The following MLPH variants were observed in gnomAD, a reference collection of about 807,000 sequenced individuals.
The protein encoded by MLPH is melanophilin, also known as exophilin-3.
MLPH carries 51 observed loss-of-function variants against 72.1 expected under a neutral mutation model. That is an observed-to-expected ratio of 0.71 (90% CI 0.56 to 0.89). The LOEUF (loss-of-function observed/expected upper bound fraction) is 0.89, where lower values mean the gene tolerates loss of function less well. MLPH is among the 40% of genes least tolerant of loss of function. The probability of loss-of-function intolerance (pLI) is 0.00; values close to 1 mark genes in which losing one functional copy is unlikely to be tolerated. For missense variants in MLPH, 743 were observed against 759.9 expected (o/e 0.98, Z 0.26); for synonymous variants, 301 against 310.1 (o/e 0.97, Z 0.31).
chr2:237,525,025 ACAGT>A (rs2080272922), intron 6 of MLPH, among the ~76,000 whole-genome samples: 1 of 152,136 alleles, frequency 6.6e-6, no homozygotes, highest in Non-Finnish European at 1.5e-5. Context: ...CCCCCCACTC[ACAGT>A]CAAACTGGAA....
chr2:237,508,445 C>A (rs1188838401), intron 2 of MLPH, among the ~76,000 whole-genome samples: 2 of 152,148 alleles, frequency 1.3e-5, no homozygotes, highest in African/African-American at 2.4e-5. Context: ...TAATGACTGT[C>A]AGAGCAGTTG....
intron 8 of MLPH, 27 bp from the exon 9 acceptor site, chr2:237,534,537 C>T: frequency 6.3e-7 from 1 of 1,598,120 alleles, no homozygotes; most frequent in Non-Finnish European, 8.6e-7. Context: ...GGGTCCTCTG[C>T]CCACTGTTTC....
At chr2:237,550,523 T>A (rs1417695942) in intron 14 of MLPH, among the ~76,000 whole-genome samples, 1 of 152,080 alleles carries the variant, frequency 6.6e-6, no homozygotes, top group East Asian at 1.9e-4. Flanking sequence ...GCACATCTCG[T>A]GGGCTGAAAT....
In MLPH at chr2:237,552,400, C is replaced by T; in HGVS notation, c.1739C>T (p.Pro580Leu). 1 of 1,614,050 alleles carries T rather than the reference C, an allele frequency of 6.2e-7. No individual in the cohort carries two copies. The highest frequency in any genetic ancestry group is 8.5e-7 in the Non-Finnish European group (1 of 1,179,982). The change falls in exon 15 of 16, where the codon CCC becomes CTC. Residue 580 changes from proline (P) to leucine (L), a missense_variant. Transcript: ENST00000264605. Reference sequence around the variant, plus strand: ...CGAGGCTCGCTGACACAGAGAAACCCCAACGCGAGGAAAGGAATGGCCAGC... The same window carrying T: ...CGAGGCTCGCTGACACAGAGAAACCTCAACGCGAGGAAAGGAATGGCCAGC... ...VYRGSLTQRN[P>L]NARKGMASHT...
intron 9 of MLPH, among the ~76,000 whole-genome samples, chr2:237,536,559 G>T (rs1396862828): frequency 6.6e-6 from 1 of 152,142 alleles, no homozygotes; most frequent in Non-Finnish European, 1.5e-5. Flanking sequence ...CTCTGGAAGG[G>T]CCCCTGCCTG....
Position 237,519,775 on chromosome 2 carries a change from G to A in MLPH, c.556-135G>A, listed in dbSNP as rs3751106. 241,805 of 1,249,184 alleles carry A rather than the reference G, an allele frequency of 0.19. 27,019 individuals are homozygous for A. The highest frequency in any genetic ancestry group is 0.47 in the African/African-American group (32,099 of 67,640). 77.4% of individuals were successfully genotyped at this position (1,249,184 alleles called of 1,614,324 possible). A position where few individuals can be genotyped will look rare whatever the true frequency, so the allele number is the denominator to read the frequency against. ...TGGTCAGGTTTGTTCCTAGTGGAGG[G>A]GGTGGATGTGCTGGGAGAGGAGCCT... On this transcript the variant is annotated intron_variant, in intron 5 of 15. Coordinates refer to ENST00000264605, the MANE Select transcript of MLPH (RefSeq NM_024101.7).
In MLPH at chr2:237,505,151, CCA is replaced by C. The variant is rs1393895685; in HGVS notation, c.111-5417_111-5416del. Among the ~76,000 whole-genome samples, 1 of 152,176 alleles carries C rather than the reference CCA, an allele frequency of 6.6e-6. No individual in the cohort carries two copies. Among genetic ancestry groups the C allele is most frequent in the African/African-American group, 2.4e-5 (1 of 41,442 alleles). On this transcript the variant is annotated intron_variant, in intron 2 of 15. Transcript: ENST00000264605. The surrounding 1 kb of genome is among the most constrained non-coding windows in gnomAD (Gnocchi z 4.5). ...TGGCCAGGTTGATGGGGTCTGGACT[CCA>C]CACACTGTCCCCACCTCCTTGCTGG... is the stretch of plus-strand genomic sequence containing the variant.
At chr2:237,530,191 C>T (rs560232589) in intron 8 of MLPH, among the ~76,000 whole-genome samples, 24 of 151,076 alleles carry the variant, frequency 1.6e-4, no homozygotes, top group South Asian at 6.2e-4. Context: ...AGTCACTAGA[C>T]CAGCACTGGC....
At chr2:237,503,709 A>G (rs911501948) in intron 2 of MLPH, among the ~76,000 whole-genome samples, 1 of 152,102 alleles carries the variant, frequency 6.6e-6, no homozygotes, top group Non-Finnish European at 1.5e-5. Context: ...CAGGCATGGC[A>G]TGGAGTGTGG....
rs192679104 is a variant in MLPH, at chr2:237,553,986, A to C, written c.*394A>C. 1.4e-4 allele frequency: 51 copies of C among 376,182 alleles called. No individual in the cohort carries two copies. The East Asian group carries it at 3.1e-3, about 23-fold the overall frequency. The allele number at this position is 376,182 out of a possible 1,614,324, so 23.3% of individuals were successfully genotyped here. A position where few individuals can be genotyped will look rare whatever the true frequency, so the allele number is the denominator to read the frequency against. On this transcript the variant is annotated 3_prime_UTR_variant, in exon 16 of 16. Coordinates refer to ENST00000264605, the MANE Select transcript of MLPH (RefSeq NM_024101.7). ...GGAATGGAAAAAAGATGACTCAGTT[A>C]AGGCACCAGCCATATGTGTATTCTT... is the stretch of plus-strand genomic sequence containing the variant.
At chr2:237,501,587 GA>G (rs1367082840) in intron 2 of MLPH, among the ~76,000 whole-genome samples, 1 of 148,798 alleles carries the variant, frequency 6.7e-6, no homozygotes, top group Non-Finnish European at 1.5e-5. Flanking sequence ...AGCACTTTGA[GA>G]GGCCGAAGAG....
At chr2:237,548,829 C>G (rs899184308) in intron 13 of MLPH, among the ~76,000 whole-genome samples, 1 of 152,142 alleles carries the variant, frequency 6.6e-6, no homozygotes, top group Non-Finnish European at 1.5e-5. Context: ...CAGTGAGCCG[C>G]GATCGCACCA....
rs1191272160 is a variant in MLPH, at chr2:237,553,707, A to G, written c.*115A>G. 6.9e-7 allele frequency: 1 copy of G among 1,443,380 alleles called. No individual in the cohort carries two copies. Among genetic ancestry groups the G allele is most frequent in the South Asian group, 1.1e-5 (1 of 87,584 alleles). 89.4% of individuals were successfully genotyped at this position (1,443,380 alleles called of 1,614,324 possible). Reference sequence around the variant, plus strand: ...TACACAGTCACCGTCCCAATGAGAAACAAGAAGGAGCACCCTCCACATGGA... The same window carrying G: ...TACACAGTCACCGTCCCAATGAGAAGCAAGAAGGAGCACCCTCCACATGGA... On this transcript the variant is annotated 3_prime_UTR_variant, in exon 16 of 16. Coordinates refer to ENST00000264605, the MANE Select transcript of MLPH (RefSeq NM_024101.7).
At chr2:237,492,060 G>T (rs557874273) in intron 1 of MLPH, among the ~76,000 whole-genome samples, 144 of 152,340 alleles carry the variant, frequency 9.5e-4, no homozygotes, top group Non-Finnish European at 1.7e-3. Flanking sequence ...AGTAGGTCTG[G>T]GTTGGAGCCT....
chr2:237,554,539 T>G lies in MLPH; in HGVS notation c.*947T>G, dbSNP rs2081094853. The G allele has an allele frequency of 6.5e-6, 1 of 152,912 alleles. No homozygotes were observed. Among genetic ancestry groups the G allele is most frequent in the Non-Finnish European group, 1.5e-5 (1 of 68,604 alleles). 9.5% of individuals were successfully genotyped at this position (152,912 alleles called of 1,614,324 possible). A position where few individuals can be genotyped will look rare whatever the true frequency, so the allele number is the denominator to read the frequency against. On this transcript the variant is annotated 3_prime_UTR_variant, in exon 16 of 16. Coordinates refer to ENST00000264605, the MANE Select transcript of MLPH (RefSeq NM_024101.7). Reference sequence around the variant, plus strand: ...CTAGTATCGGTGTGCCCCATCCAGTTTTAAGTGGAGCCCTCCAAGACTCTC... The same window carrying G: ...CTAGTATCGGTGTGCCCCATCCAGTGTTAAGTGGAGCCCTCCAAGACTCTC...
In MLPH at chr2:237,505,312, T is replaced by C. The variant is rs1381813698; in HGVS notation, c.111-5262T>C. Among the ~76,000 whole-genome samples the C allele has an allele frequency of 6.6e-6, 1 of 152,066 alleles. No individual in the cohort carries two copies. The highest frequency in any genetic ancestry group is 1.5e-5 in the Non-Finnish European group (1 of 67,988). The stretch of plus-strand genomic sequence containing the variant: ...CCCTGATCCCAGCCACATACCCACG[T>C]GCTGTGGCCTCTTCCACCAACCCCA... On this transcript the variant is annotated intron_variant, in intron 2 of 15. Transcript: ENST00000264605. The surrounding 1 kb of genome is among the most constrained non-coding windows in gnomAD (Gnocchi z 4.5).
intron 4 of MLPH, among the ~76,000 whole-genome samples, chr2:237,514,329 G>A (rs973143934): frequency 3.3e-5 from 5 of 152,096 alleles, no homozygotes; most frequent in Non-Finnish European, 5.9e-5. Context: ...GAACTCCTGG[G>A]CTCAAGCAGT....
At position 237,518,579 on chromosome 2, in the gene MLPH, C is replaced by A. The variant is rs376211913; in HGVS notation, c.486C>A (p.Ser162Arg). The change falls in exon 5 of 16, where the codon AGC (serine) becomes AGA (arginine). Residue 162 changes from serine (S) to arginine (R), a missense_variant. Coordinates refer to ENST00000264605, the MANE Select transcript of MLPH (RefSeq NM_024101.7). Reference sequence around the variant, plus strand: ...TATCTGAAGAGAGAAGTGGAGACAGCGACCAGACAGATGAGGATGGAGAAC... The same window carrying A: ...TATCTGAAGAGAGAAGTGGAGACAGAGACCAGACAGATGAGGATGGAGAAC... Reference protein sequence around the residue: ...ELISEERSGDSDQTDEDGEPG... With the variant: ...ELISEERSGDRDQTDEDGEPG... 14 of 1,613,856 alleles carry A rather than the reference C, an allele frequency of 8.7e-6. No individual in the cohort carries two copies. The highest frequency in any genetic ancestry group is 1.2e-5 in the Non-Finnish European group (14 of 1,179,908).
intron 14 of MLPH, among the ~76,000 whole-genome samples, chr2:237,551,158 G>A (rs532343814): frequency 1.3e-5 from 2 of 152,338 alleles, no homozygotes; most frequent in South Asian, 2.1e-4. Context: ...CTCCAATCCC[G>A]GGGTCTGTGG....
Sources: gnomAD v4.1 joint callset for allele counts (sites outside exome capture counted in the v4.1 genomes callset) on GRCh38, gnomAD v4.1.1 for gene constraint, Gnocchi (gnomAD v3.1) non-coding constraint, MANE v1.5 for transcripts, NCBI Gene and HGNC (gene_info 2026-07-23, HGNC 2026-07-21) for gene names.